SERINC5: variants seen among roughly 807,000 people sequenced by gnomAD.
SERINC5 encodes chromosome 5 open reading frame 12.
In SERINC5, 41 loss-of-function variants were observed where a neutral mutation model predicts 63.1. That is an observed-to-expected ratio of 0.65 (90% confidence interval 0.51 to 0.84). The LOEUF is 0.84. Ranked by LOEUF, SERINC5 falls within the 40% of genes least tolerant of loss-of-function variation. SERINC5 has a pLI of 0.00. For missense variants in SERINC5, 523 were observed against 573.0 expected (o/e 0.91, Z 0.89); for synonymous variants, 222 against 215.2 (o/e 1.03, Z -0.28).
chr5:80,202,932 C>T lies in SERINC5; in HGVS notation c.149G>A (p.Cys50Tyr). The T allele has an allele frequency of 6.2e-7, 1 of 1,613,028 alleles. No individual in the cohort carries two copies. The change falls in exon 2 of 12, where the codon TGC becomes TAC. Residue 50 changes from cysteine (C) to tyrosine (Y), a missense_variant. Cys to Tyr is a radical substitution (Grantham distance 194). Transcript: ENST00000507668. ...CACGGTTGTTGACATCATGATGCAG[C>T]AGAGGACGACGACCAGAATGAAGTA... ...ALYFILVVVLCCIMMSTTVAH... is the reference protein window; with the variant it reads ...ALYFILVVVLYCIMMSTTVAH...
In SERINC5 at chr5:80,226,096, C is replaced by T. The variant is rs115582101; in HGVS notation, c.28-23043G>A. On this transcript the variant is annotated intron_variant, in intron 1 of 11. Transcript: ENST00000507668. ...TGTTTGAGACAGTGTCTCACTCTGT[C>T]CCCCCAGGTTGGAGTGCGGTAGCAC... 1.3e-3 allele frequency among the ~76,000 whole-genome samples: 200 copies of T among 151,766 alleles called. 1 individual carries two copies. Among genetic ancestry groups the T allele is most frequent in the African/African-American group, 4.7e-3 (195 of 41,380 alleles).
chr5:80,213,382 G>C (rs1750524697), intron 1 of SERINC5, among the ~76,000 whole-genome samples: 1 of 152,150 alleles, frequency 6.6e-6, no homozygotes, highest in Admixed American at 6.6e-5. Context: ...CTATTTTACA[G>C]AGACGAGACC....
In SERINC5 at chr5:80,147,304, A is replaced by C; in HGVS notation, c.1054-20T>G. 1.9e-6 allele frequency: 3 copies of C among 1,603,884 alleles called. No homozygotes were observed. The highest frequency in any genetic ancestry group is 2.6e-6 in the Non-Finnish European group (3 of 1,175,538). On this transcript the variant is annotated intron_variant, in intron 9 of 11. Transcript: ENST00000507668. ...AGCTATCTGTGAAAGCAAAAGCAAC[A>C]GTCAGGCGGCTTGTGTTCTATTTCT... is the stretch of plus-strand genomic sequence containing the variant.
intron 1 of SERINC5, among the ~76,000 whole-genome samples, chr5:80,237,286 T>C (rs1751738410): frequency 6.6e-6 from 1 of 152,148 alleles, no homozygotes; most frequent in Admixed American, 6.5e-5. Context: ...CTAATTGTTT[T>C]ACAAACATCA....
Position 80,138,827 on chromosome 5 carries a change from T to C in SERINC5, c.*4836A>G, listed in dbSNP as rs1172248567. On this transcript the variant is annotated 3_prime_UTR_variant, in exon 12 of 12. Transcript: ENST00000507668. ...GATTAACATCTGAAGGCAACATCTC[T>C]GCAAAACAACTAACTTGAGTACTTT... The C allele has an allele frequency of 1.0e-6, 1 of 984,222 alleles. No homozygotes were observed. Among genetic ancestry groups the C allele is most frequent in the African/African-American group, 1.7e-5 (1 of 57,218 alleles). The allele number at this position is 984,222 out of a possible 1,614,324, so 61.0% of individuals were successfully genotyped here. A position where few individuals can be genotyped will look rare whatever the true frequency, so the allele number is the denominator to read the frequency against.
chr5:80,200,887 A>G (rs1208459050), intron 2 of SERINC5, among the ~76,000 whole-genome samples: 1 of 152,202 alleles, frequency 6.6e-6, no homozygotes, highest in East Asian at 1.9e-4. Flanking sequence ...TGAGGTCAGG[A>G]GTTCCAGACC....
At position 80,143,528 on chromosome 5, in the gene SERINC5, T is replaced by C. The variant is rs569076752; in HGVS notation, c.*135A>G. Reference sequence around the variant, plus strand: ...CAAAAGTAAAAAGCTAATCAGGAGATTTTTTTTTTTCTCTCTCAAAGCTTT... The same window carrying C: ...CAAAAGTAAAAAGCTAATCAGGAGACTTTTTTTTTTCTCTCTCAAAGCTTT... On this transcript the variant is annotated 3_prime_UTR_variant, in exon 12 of 12. Transcript: ENST00000507668. 121 of 873,418 alleles carry C rather than the reference T, an allele frequency of 1.4e-4. No homozygotes were observed. In the African/African-American group the frequency reaches 2.1e-3, roughly 15 times the overall value. 54.1% of individuals were successfully genotyped at this position (873,418 alleles called of 1,614,324 possible).
downstream of SERINC5, among the ~76,000 whole-genome samples, chr5:80,134,623 T>C (rs564524604): frequency 2.6e-5 from 4 of 152,334 alleles, no homozygotes; most frequent in African/African-American, 9.6e-5. Context: ...ATCAGTAAGT[T>C]AGGTCACATC....
chr5:80,239,183 A>G (rs769772939), intron 1 of SERINC5, among the ~76,000 whole-genome samples: 10 of 152,234 alleles, frequency 6.6e-5, no homozygotes, highest in African/African-American at 9.6e-5. Context: ...GACAGCCCAT[A>G]AGCCATCTGA....
rs1368809462 is a variant in SERINC5, at chr5:80,143,798, G to C, written c.1251C>G (p.Ala417=). The C allele has an allele frequency of 6.5e-7, 1 of 1,536,108 alleles. No homozygotes were observed. The highest frequency in any genetic ancestry group is 1.2e-5 in the South Asian group (1 of 84,060). ...TVTNWFNYES[A]NIESFFSGSW... ...TCCCGCTGAAGAAGCTCTCGATGTTGGCACTTTCGTAGCTGTGGAAACAAG... is the reference window on the plus strand; with the variant it reads ...TCCCGCTGAAGAAGCTCTCGATGTTCGCACTTTCGTAGCTGTGGAAACAAG... Residue 417 remains alanine (A), a synonymous_variant, in exon 12 of 12, where the codon GCC becomes GCG. Coordinates refer to ENST00000507668, the MANE Select transcript of SERINC5 (RefSeq NM_001174072.3).
chr5:80,212,148 G>A lies in SERINC5; in HGVS notation c.28-9095C>T, dbSNP rs7700908. ...ATACAGGAGACCTACCAAAGCTAAG[G>A]AAAGACATCAAGTTTTCTGTGAGCT... On this transcript the variant is annotated intron_variant, in intron 1 of 11. Transcript: ENST00000507668. Among the ~76,000 whole-genome samples the A allele has an allele frequency of 3.1e-3, 468 of 152,284 alleles. 2 individuals carry two copies. The highest frequency in any genetic ancestry group is 0.011 in the African/African-American group (442 of 41,558).
chr5:80,205,910 A>AAAAACAAAAC (rs201969229), intron 1 of SERINC5, among the ~76,000 whole-genome samples: 87 of 149,408 alleles, frequency 5.8e-4, no homozygotes, highest in African/African-American at 7.8e-4. Context: ...CGTCTCTACT[A>AAAAACAAAAC]AATACAAAAC....
At chr5:80,151,854 C>T (rs1561371490) in intron 8 of SERINC5, among the ~76,000 whole-genome samples, 2 of 152,242 alleles carry the variant, frequency 1.3e-5, no homozygotes, top group South Asian at 2.1e-4. Flanking sequence ...CGTGTTGGTG[C>T]TCAAGAAGCT....
At chr5:80,201,101 A>AC (rs530019063) in intron 2 of SERINC5, among the ~76,000 whole-genome samples, 160 of 151,502 alleles carry the variant, frequency 1.1e-3, no homozygotes, top group South Asian at 9.2e-3. Flanking sequence ...TCCATCCACC[A>AC]CCCCCCCACA....
In SERINC5 at chr5:80,142,962, G is replaced by T; in HGVS notation, c.*701C>A. On this transcript the variant is annotated 3_prime_UTR_variant, in exon 12 of 12. Coordinates refer to ENST00000507668, the MANE Select transcript of SERINC5 (RefSeq NM_001174072.3). ...AATAAGGTGGGGAACCACCTGGGGG[G>T]TGATCAGACAAATTGTGCTTTTTCA... 1.0e-6 allele frequency: 1 copy of T among 985,444 alleles called. No homozygotes were observed. The highest frequency in any genetic ancestry group is 1.2e-6 in the Non-Finnish European group (1 of 829,956). 61.0% of individuals were successfully genotyped at this position (985,444 alleles called of 1,614,324 possible). A position where few individuals can be genotyped will look rare whatever the true frequency, so the allele number is the denominator to read the frequency against.
At chr5:80,146,521 T>G (rs1259955071) in intron 10 of SERINC5, among the ~76,000 whole-genome samples, 1 of 152,174 alleles carries the variant, frequency 6.6e-6, no homozygotes, top group Non-Finnish European at 1.5e-5. Flanking sequence ...GGCATGATCT[T>G]GGGTCACTGC....
In SERINC5 at chr5:80,139,411, C is replaced by T. The variant is rs1745367691; in HGVS notation, c.*4252G>A. 1 of 984,830 alleles carries T rather than the reference C, an allele frequency of 1.0e-6. No homozygotes were observed. Among genetic ancestry groups the T allele is most frequent in the Middle Eastern group, 5.2e-4 (1 of 1,914 alleles). The allele number at this position is 984,830 out of a possible 1,614,324, so 61.0% of individuals were successfully genotyped here. ...TAAAGAGTTCTTCCATCATTTTACT[C>T]ATGTGAATATGATTAAACTCCTATA... On this transcript the variant is annotated 3_prime_UTR_variant, in exon 12 of 12. Coordinates refer to ENST00000507668, the MANE Select transcript of SERINC5 (RefSeq NM_001174072.3).
chr5:80,228,739 T>G (rs980719752), intron 1 of SERINC5, among the ~76,000 whole-genome samples: 1 of 152,060 alleles, frequency 6.6e-6, no homozygotes, highest in Non-Finnish European at 1.5e-5. Flanking sequence ...AGGACAAAAA[T>G]TTTAAGTTGC....
At chr5:80,198,510 G>A (rs190842845) in intron 2 of SERINC5, 2 of 985,226 alleles carry the variant, frequency 2.0e-6, no homozygotes, top group Admixed American at 6.1e-5. Context: ...AAAGACCCAC[G>A]CGACTCTGGC....
Sources: allele counts gnomAD v4.1 joint callset (sites outside exome capture counted in the v4.1 genomes callset), GRCh38; gene constraint gnomAD v4.1.1; transcripts MANE v1.5; gene names NCBI Gene and HGNC (gene_info 2026-07-23, HGNC 2026-07-21).